The following TPD52 variants were observed in gnomAD, a reference collection of about 807,000 sequenced individuals.
TPD52 encodes the protein prostate and colon associated protein.
TPD52 carries 17 observed loss-of-function variants against 31.3 expected under a neutral mutation model. That is an observed-to-expected ratio of 0.54 (90% CI 0.37 to 0.82). The LOEUF (loss-of-function observed/expected upper bound fraction) is 0.82. Among genes scored for constraint, TPD52 ranks in the 40% least tolerant of loss-of-function variants. The probability of loss-of-function intolerance (pLI) is 0.00; values close to 1 mark genes in which losing one functional copy is unlikely to be tolerated. For missense variants in TPD52, 212 were observed against 240.1 expected (o/e 0.88, Z 0.77); for synonymous variants, 83 against 89.6 (o/e 0.93, Z 0.42).
rs535427479 is a variant in TPD52 at position 80,157,521 on chromosome 8, G to A, written c.19+13904C>T. Among the ~76,000 whole-genome samples the A allele has an allele frequency of 3.3e-5, 5 of 152,272 alleles. No individual in the cohort carries two copies. In the South Asian group the frequency reaches 6.2e-4, roughly 19 times the overall value. ...AAAAGCACTGACCGACTCTCAGGTC[G>A]AGGAACTGCTGTTCTGGAATGAAAA... is the stretch of plus-strand genomic sequence containing the variant. On this transcript the variant is annotated intron_variant, in intron 1 of 7. Transcript: ENST00000518937.
intron 1 of TPD52, among the ~76,000 whole-genome samples, chr8:80,112,932 A>G (rs1050480662): frequency 6.6e-6 from 1 of 152,206 alleles, no homozygotes; most frequent in African/African-American, 2.4e-5. Flanking sequence ...CCAAGTCTAA[A>G]CATAAAATTC....
chr8:80,111,655 C>T (rs1807503447), intron 1 of TPD52, among the ~76,000 whole-genome samples: 1 of 152,062 alleles, frequency 6.6e-6, no homozygotes. Context: ...GGTTTTTATC[C>T]AATAGTTGTA....
chr8:80,050,042 T>C (rs535966929), intron 5 of TPD52, among the ~76,000 whole-genome samples: 107 of 152,148 alleles, frequency 7.0e-4, no homozygotes, highest in Middle Eastern at 3.4e-3. Flanking sequence ...TCTGTTACAA[T>C]TGTGTAATGA....
intron 1 of TPD52, among the ~76,000 whole-genome samples, chr8:80,111,351 T>C (rs1413371090): frequency 2.6e-5 from 4 of 152,236 alleles, no homozygotes; most frequent in African/African-American, 9.6e-5. Flanking sequence ...CTTATGGGAC[T>C]GAGCTCTCAA....
Position 80,119,610 on chromosome 8 carries a change from G to A in TPD52, c.19+51815C>T, listed in dbSNP as rs1808111038. On this transcript the variant is annotated intron_variant, in intron 1 of 7. Transcript: ENST00000518937. The stretch of plus-strand genomic sequence containing the variant: ...ATAGTGAATGAGTTCAAGAAAAAGG[G>A]ATTTCAATTTTTTACTTTATACCTT... Among the ~76,000 whole-genome samples the A allele has an allele frequency of 3.9e-5, 6 of 152,186 alleles. No homozygotes were observed. The South Asian group carries it at 1.2e-3, about 32-fold the overall frequency.
intron 1 of TPD52, among the ~76,000 whole-genome samples, chr8:80,120,168 A>C (rs1255684785): frequency 6.6e-6 from 1 of 152,158 alleles, no homozygotes; most frequent in Non-Finnish European, 1.5e-5. Flanking sequence ...TAAGCACAAC[A>C]AAATTGGAAT....
intron 1 of TPD52, among the ~76,000 whole-genome samples, chr8:80,160,860 G>A (rs1232775150): frequency 8.0e-6 from 1 of 124,934 alleles, no homozygotes; most frequent in African/African-American, 3.0e-5. Context: ...CCTGGGAAAC[G>A]AGGCAAAACA....
At chr8:80,119,161 C>T (rs554062942) in intron 1 of TPD52, among the ~76,000 whole-genome samples, 2 of 152,272 alleles carry the variant, frequency 1.3e-5, no homozygotes, top group East Asian at 3.9e-4. Context: ...AGAAGCCAGA[C>T]ACAAAAGACC....
chr8:80,077,516 C>T (rs1384439083), intron 1 of TPD52, among the ~76,000 whole-genome samples: 1 of 152,054 alleles, frequency 6.6e-6, no homozygotes, highest in Non-Finnish European at 1.5e-5. Flanking sequence ...AGAACTTAAG[C>T]CTTGAATAGT....
intron 1 of TPD52, among the ~76,000 whole-genome samples, chr8:80,146,036 C>T (rs56249199): frequency 6.6e-6 from 1 of 152,098 alleles, no homozygotes; most frequent in Non-Finnish European, 1.5e-5. Flanking sequence ...AAGGGTAATG[C>T]TAGGACGTAA....
chr8:80,136,180 T>TAAAAAAAAAAAAAAA lies in TPD52; in HGVS notation c.19+35244_19+35245insTTTTTTTTTTTTTTT, dbSNP rs1217409264. Among the ~76,000 whole-genome samples the TAAAAAAAAAAAAAAA allele has an allele frequency of 1.3e-4, 16 of 127,618 alleles. 1 individual carries two copies. Among genetic ancestry groups the TAAAAAAAAAAAAAAA allele is most frequent in the East Asian group, 2.7e-4 (1 of 3,744 alleles). 83.7% of individuals were successfully genotyped at this position (127,618 alleles called of 152,430 possible). ...AAAAAAAAATTTCAGTCTTTGAGGTTAAAAAAAAAACAAGCACACTCACAC... is the reference window on the plus strand; with the variant it reads ...AAAAAAAAATTTCAGTCTTTGAGGTTAAAAAAAAAAAAAAAAAAAAAAAAACAAGCACACTCACAC... On this transcript the variant is annotated intron_variant, in intron 1 of 7. Transcript: ENST00000518937.
At chr8:80,135,899 G>A (rs1341349805) in intron 1 of TPD52, among the ~76,000 whole-genome samples, 6 of 134,328 alleles carry the variant, frequency 4.5e-5, no homozygotes, top group African/African-American at 8.3e-5. Context: ...ACCAAACACC[G>A]CATATTCTCA....
At chr8:80,082,397 C>A (rs1467740382) in intron 1 of TPD52, among the ~76,000 whole-genome samples, 2 of 152,112 alleles carry the variant, frequency 1.3e-5, no homozygotes, top group Admixed American at 6.5e-5. Context: ...CATTTGGTCA[C>A]TAAATATTGG....
chr8:80,040,225 G>T (rs1295349326), intron 7 of TPD52, among the ~76,000 whole-genome samples: 1 of 118,576 alleles, frequency 8.4e-6, no homozygotes, highest in Non-Finnish European at 1.6e-5. Context: ...GACAGGGTCT[G>T]GCTCTGTCAC....
chr8:80,044,278 G>T, intron 5 of TPD52, 70 bp from the exon 6 acceptor site: 2 of 1,299,850 alleles, frequency 1.5e-6, no homozygotes, highest in South Asian at 2.9e-5. Context: ...ATTAAAAGCT[G>T]ACAAAACTTA....
chr8:80,083,953 T>C (rs1283711195), intron 1 of TPD52, among the ~76,000 whole-genome samples: 1 of 152,176 alleles, frequency 6.6e-6, no homozygotes. Context: ...GACCTGACTT[T>C]GAAGGAATCA....
chr8:80,083,194 A>C (rs1586262121), intron 1 of TPD52, among the ~76,000 whole-genome samples: 1 of 16,892 alleles, frequency 5.9e-5, no homozygotes, highest in Non-Finnish European at 9.5e-5. Flanking sequence ...TATACTGTGC[A>C]AAAAAAAAAA....
chr8:80,091,431 T>C (rs1170468213), intron 1 of TPD52, among the ~76,000 whole-genome samples: 1 of 148,136 alleles, frequency 6.8e-6, no homozygotes, highest in Non-Finnish European at 1.5e-5. Flanking sequence ...ATCGCGCCAC[T>C]GCGCTCCAGC....
chr8:80,093,554 T>C (rs752259293), intron 1 of TPD52, among the ~76,000 whole-genome samples: 3 of 152,196 alleles, frequency 2.0e-5, no homozygotes, highest in Non-Finnish European at 4.4e-5. Context: ...TAGGCACTTA[T>C]TTAAAATTAA....
Sources: gnomAD v4.1 joint callset for allele counts (sites outside exome capture counted in the v4.1 genomes callset) on GRCh38, gnomAD v4.1.1 for gene constraint, MANE v1.5 for transcripts, NCBI Gene and HGNC (gene_info 2026-07-23, HGNC 2026-07-21) for gene names.